Variants in RGMA observed in about 807,000 individuals in gnomAD.
RGMA encodes repulsive guidance molecule BMP co-receptor a, also known as repulsive guidance molecule A.
In RGMA, 10 loss-of-function variants were observed where a neutral mutation model predicts 23.2. The ratio of observed to expected loss-of-function variants is 0.43; its 90% CI spans 0.27 to 0.73. The LOEUF (loss-of-function observed/expected upper bound fraction) is 0.73, where lower values mean the gene tolerates loss of function less well. Ranked by LOEUF, RGMA falls within the 30% of genes least tolerant of loss-of-function variation. The pLI is 0.20. For synonymous variants in RGMA, 308 were observed against 279.3 expected (o/e 1.10, Z -1.03); for missense variants, 547 against 630.5 (o/e 0.87, Z 1.42).
rs1419557460 is a variant in RGMA at position 93,043,629 on chromosome 15, C to A, written c.*1369G>T. On this transcript the variant is annotated 3_prime_UTR_variant, in exon 4 of 4. Transcript: ENST00000329082. Reference sequence around the variant, plus strand: ...TAAAACCAGCAGGGAGAGGGAGGGGCCGGGCCCCGAGCGCCCTCCCACCCG... The same window carrying A: ...TAAAACCAGCAGGGAGAGGGAGGGGACGGGCCCCGAGCGCCCTCCCACCCG... The A allele has an allele frequency of 6.6e-6, 1 of 152,248 alleles. No individual in the cohort carries two copies. The highest frequency in any genetic ancestry group is 1.5e-5 in the Non-Finnish European group (1 of 68,060). The allele number at this position is 152,248 out of a possible 1,614,324, so 9.4% of individuals were successfully genotyped here.
chr15:93,049,122 C>T (rs898771589), intron 3 of RGMA, among the ~76,000 whole-genome samples: 13 of 152,208 alleles, frequency 8.5e-5, no homozygotes, highest in African/African-American at 2.7e-4. Flanking sequence ...CAGCCACGGG[C>T]GGGCTGCCGC....
intron 1 of RGMA, chr15:93,073,474 A>C: frequency 8.9e-7 from 1 of 1,118,758 alleles, no homozygotes; most frequent in Non-Finnish European, 1.2e-6. Context: ...GCCGCAGGGC[A>C]TGAGGCGGGG....
chr15:93,073,470 G>A (rs1227133706), intron 1 of RGMA: 1 of 1,103,812 alleles, frequency 9.1e-7, no homozygotes, highest in Non-Finnish European at 1.3e-6. Context: ...GGAGGCCGCA[G>A]GGCATGAGGC....
Position 93,044,840 on chromosome 15 carries a change from G to A in RGMA, c.*158C>T, listed in dbSNP as rs914616474. 3 of 625,024 alleles carry A rather than the reference G, an allele frequency of 4.8e-6. No individual in the cohort carries two copies. The highest frequency in any genetic ancestry group is 8.4e-6 in the Non-Finnish European group (3 of 355,240). The allele number at this position is 625,024 out of a possible 1,614,324, so 38.7% of individuals were successfully genotyped here. On this transcript the variant is annotated 3_prime_UTR_variant, in exon 4 of 4. Transcript: ENST00000329082. ...CAACCTTGTCACGTGCACTAGAAGG[G>A]GAGGGGTCCGTGCCTGAGCCCTTGG... is the stretch of plus-strand genomic sequence containing the variant.
At chr15:93,055,243 G>A (rs1045242196) in intron 2 of RGMA, among the ~76,000 whole-genome samples, 4 of 152,168 alleles carry the variant, frequency 2.6e-5, no homozygotes, top group African/African-American at 9.7e-5. Flanking sequence ...GACCAAAGTA[G>A]AGGAAAGAAC....
chr15:93,067,845 T>C (rs752803769), intron 2 of RGMA, among the ~76,000 whole-genome samples: 1 of 152,092 alleles, frequency 6.6e-6, no homozygotes, highest in Non-Finnish European at 1.5e-5. Flanking sequence ...GAGTGATTCA[T>C]TTGGCACCAT....
At chr15:93,057,345 G>C (rs1198448264) in intron 2 of RGMA, among the ~76,000 whole-genome samples, 6 of 152,136 alleles carry the variant, frequency 3.9e-5, no homozygotes, top group Admixed American at 3.9e-4. Context: ...CATGAGAGTG[G>C]AGCCCCCACG....
intron 3 of RGMA, among the ~76,000 whole-genome samples, chr15:93,049,656 G>C (rs1205223102): frequency 6.6e-6 from 1 of 152,236 alleles, no homozygotes; most frequent in African/African-American, 2.4e-5. Flanking sequence ...CGGGTGTTTG[G>C]GGGCAGCTTC....
chr15:93,052,258 C>T lies in RGMA; in HGVS notation c.380G>A (p.Arg127His), dbSNP rs373659425. 2.2e-5 allele frequency: 36 copies of T among 1,604,472 alleles called. 1 individual carries two copies. Among genetic ancestry groups the T allele is most frequent in the South Asian group, 7.7e-5 (7 of 90,934 alleles). Residue 127 changes from arginine to histidine, a missense_variant, in exon 3 of 4, where the codon CGC (arginine) becomes CAC (histidine). Around this residue, in one of 3 missense-constraint regions of RGMA, gnomAD observed 214 missense variants for 234.7 expected, o/e 0.91. Coordinates refer to ENST00000329082, the MANE Select transcript of RGMA (RefSeq NM_020211.3). ...GCTGTCTCCGGCCGGTGGGAGCGTG[C>T]GCAGGCGTGGCTGCGAGGTGGGGCC... ...KDGPTSQPRL[R>H]TLPPAGDSQE...
At chr15:93,084,744 A>T (rs1415067606) in intron 1 of RGMA, among the ~76,000 whole-genome samples, 6 of 152,176 alleles carry the variant, frequency 3.9e-5, no homozygotes, top group African/African-American at 1.4e-4. Context: ...AAGTGCTGGG[A>T]TTACAGGAGT....
rs958194947 is a variant in RGMA, at chr15:93,044,959, G to A, written c.*39C>T. Reference sequence around the variant, plus strand: ...GTCCCAGCCCACACATGGGGAAGCCGAGAGGACGGAGCCCGCGCCTCCCTC... The same window carrying A: ...GTCCCAGCCCACACATGGGGAAGCCAAGAGGACGGAGCCCGCGCCTCCCTC... On this transcript the variant is annotated 3_prime_UTR_variant, in exon 4 of 4. Coordinates refer to ENST00000329082, the MANE Select transcript of RGMA (RefSeq NM_020211.3). 21 of 1,508,724 alleles carry A rather than the reference G, an allele frequency of 1.4e-5. No homozygotes were observed. Among genetic ancestry groups the A allele is most frequent in the Non-Finnish European group, 1.7e-5 (19 of 1,115,360 alleles). 93.5% of individuals were successfully genotyped at this position (1,508,724 alleles called of 1,614,324 possible).
intron 1 of RGMA, chr15:93,073,542 T>G: frequency 6.7e-7 from 1 of 1,498,870 alleles, no homozygotes; most frequent in Non-Finnish European, 8.9e-7. Context: ...AAACTGTCCT[T>G]GGAGGCAAAT....
Position 93,037,055 on chromosome 15 carries a change from A to G in RGMA, c.*7943T>C, listed in dbSNP as rs2054668868. The G allele has an allele frequency of 6.6e-6, 1 of 152,232 alleles. No homozygotes were observed. The highest frequency in any genetic ancestry group is 1.5e-5 in the Non-Finnish European group (1 of 68,090). The allele number at this position is 152,232 out of a possible 1,614,324, so 9.4% of individuals were successfully genotyped here. A position where few individuals can be genotyped will look rare whatever the true frequency, so the allele number is the denominator to read the frequency against. The stretch of plus-strand genomic sequence containing the variant: ...CTGGGCAGTGGGTGACTGGCAGGAA[A>G]TGGTCAGCTTGGAGGAACGGTGCCC... On this transcript the variant is annotated 3_prime_UTR_variant, in exon 4 of 4. Coordinates refer to ENST00000329082, the MANE Select transcript of RGMA (RefSeq NM_020211.3). The surrounding 1 kb of genome is among the most constrained non-coding windows in gnomAD (Gnocchi z 4.3).
chr15:93,088,846 T>C, intron 1 of RGMA, 73 bp downstream of exon 1: 6 of 1,357,178 alleles, frequency 4.4e-6, no homozygotes, highest in African/African-American at 1.5e-5. Context: ...AGCAGCGCCG[T>C]GGCCCCGGCA....
chr15:93,060,707 C>T (rs1305287185), intron 2 of RGMA, among the ~76,000 whole-genome samples: 1 of 152,246 alleles, frequency 6.6e-6, no homozygotes, highest in African/African-American at 2.4e-5. Context: ...GGTCACTTTT[C>T]AAGGCACACC....
In RGMA at chr15:93,052,108, C is replaced by A; in HGVS notation, c.530G>T (p.Arg177Leu). 6.2e-7 allele frequency: 1 copy of A among 1,613,760 alleles called. No homozygotes were observed. Among genetic ancestry groups the A allele is most frequent in the Non-Finnish European group, 8.5e-7 (1 of 1,179,822 alleles). Reference protein sequence around the residue: ...GDPHLRTFTDRFQTCKVQGAW... With the variant: ...GDPHLRTFTDLFQTCKVQGAW... Reference sequence around the variant, plus strand: ...GCCCTGCACCTTGCAGGTCTGGAAGCGGTCGGTGAAAGTCCTGAGGTGTGG... The same window carrying A: ...GCCCTGCACCTTGCAGGTCTGGAAGAGGTCGGTGAAAGTCCTGAGGTGTGG... The change falls in exon 3 of 4, where the codon CGC (arginine) becomes CTC (leucine). Residue 177 changes from arginine (R) to leucine (L), a missense_variant. By Grantham distance (102) the Arg-to-Leu change is moderately radical. Transcript: ENST00000329082.
At chr15:93,049,009 G>T (rs1364288314) in intron 3 of RGMA, among the ~76,000 whole-genome samples, 1 of 152,250 alleles carries the variant, frequency 6.6e-6, no homozygotes, top group Non-Finnish European at 1.5e-5. Flanking sequence ...CCTCCTGGAA[G>T]GCTGACAGGC....
chr15:93,051,591 T>A (rs2054920213), intron 3 of RGMA, among the ~76,000 whole-genome samples: 1 of 152,204 alleles, frequency 6.6e-6, no homozygotes, highest in Admixed American at 6.5e-5. Flanking sequence ...TGCTGCCCAC[T>A]TGCTGAGGCC....
chr15:93,075,345 C>T (rs2141843983), intron 1 of RGMA, among the ~76,000 whole-genome samples: 1 of 152,168 alleles, frequency 6.6e-6, no homozygotes, highest in African/African-American at 2.4e-5. Context: ...AGCAAAGGTG[C>T]TTTGACAAAC....
Sources: gnomAD v4.1 joint callset for allele counts (sites outside exome capture counted in the v4.1 genomes callset) on GRCh38, gnomAD v4.1.1 for gene constraint, gnomAD v4.1.1 regional missense constraint, Gnocchi (gnomAD v3.1) non-coding constraint, MANE v1.5 for transcripts, NCBI Gene and HGNC (gene_info 2026-07-23, HGNC 2026-07-21) for gene names.